SORCS2: variants seen among roughly 807,000 people sequenced by gnomAD.
SORCS2 encodes the protein VPS10 domain-containing receptor SorCS2.
In SORCS2, 100 loss-of-function variants were observed where a neutral mutation model predicts 141.6. The ratio of observed to expected loss-of-function variants is 0.71; its 90% CI spans 0.60 to 0.83. The LOEUF is 0.83. SORCS2 is among the 40% of genes least tolerant of loss of function. The probability of loss-of-function intolerance (pLI) is 0.00; values close to 1 mark genes in which losing one functional copy is unlikely to be tolerated. For synonymous variants in SORCS2, 789 were observed against 676.9 expected (o/e 1.17, Z -2.57); for missense variants, 1,646 against 1,560.2 (o/e 1.05, Z -0.93).
At position 7,334,794 on chromosome 4, in the gene SORCS2, G is replaced by A. The variant is rs569982562; in HGVS notation, c.481-61494G>A. ...AGAGGGGAGACCTGTCCTCCTGGCCGGCTTCATGGAAGAGGTGACGTGTGA... is the reference window on the plus strand; with the variant it reads ...AGAGGGGAGACCTGTCCTCCTGGCCAGCTTCATGGAAGAGGTGACGTGTGA... On this transcript the variant is annotated intron_variant, in intron 1 of 26. Transcript: ENST00000507866. 3.9e-5 allele frequency among the ~76,000 whole-genome samples: 6 copies of A among 152,238 alleles called. No individual in the cohort carries two copies. In the South Asian group the frequency reaches 1.2e-3, roughly 32 times the overall value.
Position 7,734,308 on chromosome 4 carries a change from C to A in SORCS2, c.3245C>A (p.Ala1082Glu). Residue 1082 changes from alanine (A) to glutamate (E), a missense_variant, in exon 25 of 27, where the codon GCG (alanine) becomes GAG (glutamate). Coordinates refer to ENST00000507866, the MANE Select transcript of SORCS2 (RefSeq NM_020777.3). Reference protein sequence around the residue: ...EQLGGGGGYWAVVVLFVIGLF... With the variant: ...EQLGGGGGYWEVVVLFVIGLF... ...CTGGGCGGCGGTGGCGGCTACTGGG[C>A]GGTAGTGGTGCTGTTTGTCATCGGG... The A allele has an allele frequency of 3.7e-6, 6 of 1,602,998 alleles. No homozygotes were observed. The highest frequency in any genetic ancestry group is 5.1e-6 in the Non-Finnish European group (6 of 1,175,780).
At chr4:7,352,718 C>T (rs1395837486) in intron 1 of SORCS2, among the ~76,000 whole-genome samples, 1 of 152,202 alleles carries the variant, frequency 6.6e-6, no homozygotes, top group East Asian at 1.9e-4. Flanking sequence ...ACACCTGCTG[C>T]AGCTGGAACG....
At chr4:7,506,137 G>A (rs1370072672) in intron 2 of SORCS2, among the ~76,000 whole-genome samples, 1 of 152,166 alleles carries the variant, frequency 6.6e-6, no homozygotes, top group Admixed American at 6.5e-5. Flanking sequence ...ACACTCCGGG[G>A]TCTGTGTCTG....
chr4:7,330,748 A>T (rs1456063558), intron 1 of SORCS2, among the ~76,000 whole-genome samples: 1 of 152,030 alleles, frequency 6.6e-6, no homozygotes, highest in Non-Finnish European at 1.5e-5. Context: ...TGCTCAGGTG[A>T]TCAAGGAAAC....
At chr4:7,503,245 T>C (rs948673066) in intron 2 of SORCS2, among the ~76,000 whole-genome samples, 1 of 152,226 alleles carries the variant, frequency 6.6e-6, no homozygotes, top group Non-Finnish European at 1.5e-5. Context: ...CACACATATA[T>C]ATGTCACCCA....
At position 7,243,502 on chromosome 4, in the gene SORCS2, G is replaced by A. The variant is rs114047302; in HGVS notation, c.480+50376G>A. Among the ~76,000 whole-genome samples the A allele has an allele frequency of 4.7e-3, 712 of 152,216 alleles. 6 individuals carry two copies. Among genetic ancestry groups the A allele is most frequent in the Middle Eastern group, 0.027 (8 of 294 alleles). Reference sequence around the variant, plus strand: ...CGGGGAGTGAAGGCTGGAGGAGCCCGGGCTCCAGCTTCCAGAACCCTCTCC... The same window carrying A: ...CGGGGAGTGAAGGCTGGAGGAGCCCAGGCTCCAGCTTCCAGAACCCTCTCC... On this transcript the variant is annotated intron_variant, in intron 1 of 26. Transcript: ENST00000507866.
chr4:7,729,835 A>G, intron 23 of SORCS2, 123 bp downstream of exon 23: 5 of 1,361,686 alleles, frequency 3.7e-6, no homozygotes, highest in Non-Finnish European at 4.9e-6. Flanking sequence ...GCTGCATCTC[A>G]GTCTGACTCA....
intron 18 of SORCS2, among the ~76,000 whole-genome samples, chr4:7,722,911 G>T (rs1033714937): frequency 6.6e-6 from 1 of 152,158 alleles, no homozygotes; most frequent in Non-Finnish European, 1.5e-5. Context: ...ACTAGGAAAC[G>T]GTTTCCTCGT....
chr4:7,276,050 A>T (rs1715478700), intron 1 of SORCS2, among the ~76,000 whole-genome samples: 1 of 152,178 alleles, frequency 6.6e-6, no homozygotes, highest in African/African-American at 2.4e-5. Flanking sequence ...TAACGGGGGC[A>T]GTTTCTGCCA....
chr4:7,469,194 G>C (rs991291142), intron 2 of SORCS2, among the ~76,000 whole-genome samples: 2 of 152,032 alleles, frequency 1.3e-5, no homozygotes, highest in African/African-American at 4.8e-5. Context: ...TGTCGATGAT[G>C]GTGGTGGTGG....
At position 7,723,834 on chromosome 4, in the gene SORCS2, A is replaced by G; in HGVS notation, c.2562A>G (p.Ala854=). ...SPGIYRVSVR[A]ENTAGHDEAV... ...GCATCTACCGCGTGTCCGTCAGGGC[A>G]GAGAACACGGCAGGCCACGATGAGG... is the stretch of plus-strand genomic sequence containing the variant. The change falls in exon 19 of 27, where the codon GCA becomes GCG. Residue 854 remains alanine (A), a synonymous_variant. Coordinates refer to ENST00000507866, the MANE Select transcript of SORCS2 (RefSeq NM_020777.3). The G allele has an allele frequency of 6.2e-7, 1 of 1,612,998 alleles. No individual in the cohort carries two copies. Among genetic ancestry groups the G allele is most frequent in the Non-Finnish European group, 8.5e-7 (1 of 1,179,866 alleles).
intron 1 of SORCS2, among the ~76,000 whole-genome samples, chr4:7,298,173 C>T (rs942281066): frequency 6.6e-6 from 1 of 152,112 alleles, no homozygotes; most frequent in Non-Finnish European, 1.5e-5. Flanking sequence ...GTGTGCACCG[C>T]AGGCATGCAA....
At chr4:7,604,562 G>C (rs1414856436) in intron 3 of SORCS2, among the ~76,000 whole-genome samples, 1 of 152,234 alleles carries the variant, frequency 6.6e-6, no homozygotes, top group African/African-American at 2.4e-5. Context: ...GCCTCCCAAA[G>C]TGCTGGGATT....
At chr4:7,497,548 C>T (rs1162350415) in intron 2 of SORCS2, among the ~76,000 whole-genome samples, 1 of 152,260 alleles carries the variant, frequency 6.6e-6, no homozygotes, top group South Asian at 2.1e-4. Context: ...AGGCAAGTCA[C>T]ACCGCCATTC....
intron 2 of SORCS2, among the ~76,000 whole-genome samples, chr4:7,512,372 GGGAGGGAAGAA>G (rs1030350536): frequency 1.6e-4 from 24 of 148,498 alleles, no homozygotes; most frequent in African/African-American, 2.7e-4. Flanking sequence ...GATGGAGGGA[GGGAGGGAAGAA>G]GGAGGGAAGA....
At chr4:7,588,066 C>T (rs528072405) in intron 3 of SORCS2, among the ~76,000 whole-genome samples, 2 of 152,298 alleles carry the variant, frequency 1.3e-5, no homozygotes, top group South Asian at 4.1e-4. Context: ...GTCCTCCAGT[C>T]GCTGGGTCCC....
rs192010384 is a variant in SORCS2 at position 7,414,138 on chromosome 4, C to T, written c.548+17783C>T. Among the ~76,000 whole-genome samples the T allele has an allele frequency of 2.7e-3, 415 of 152,326 alleles. 1 individual carries two copies. The highest frequency in any genetic ancestry group is 5.5e-3 in the Admixed American group (84 of 15,306). On this transcript the variant is annotated intron_variant, in intron 2 of 26. Transcript: ENST00000507866. ...CTTGCTATTCTGTAAATCCCATTAA[C>T]GGATGCAGGCGCTGCTTTAGGCATC... is the stretch of plus-strand genomic sequence containing the variant.
At chr4:7,272,163 G>C (rs1241950568) in intron 1 of SORCS2, among the ~76,000 whole-genome samples, 1 of 152,144 alleles carries the variant, frequency 6.6e-6, no homozygotes, top group East Asian at 1.9e-4. Flanking sequence ...TTATCTTCAA[G>C]GACTCCATCC....
chr4:7,539,853 T>TCCTGCTGTGGAAGCCCCATCCCCTC (rs1377816446), intron 3 of SORCS2, among the ~76,000 whole-genome samples: 1 of 146,058 alleles, frequency 6.8e-6, no homozygotes, highest in African/African-American at 2.6e-5. Context: ...TCCGCCCCAT[T>TCCTGCTGTGGAAGCCCCATCCCCTC]CCTGCTGTGG....
Sources: gnomAD v4.1 joint callset for allele counts (sites outside exome capture counted in the v4.1 genomes callset) on GRCh38, gnomAD v4.1.1 for gene constraint, MANE v1.5 for transcripts, NCBI Gene and HGNC (gene_info 2026-07-23, HGNC 2026-07-21) for gene names.